LIFR: variants seen among roughly 807,000 people sequenced by gnomAD.
LIFR encodes the protein leukemia inhibitory factor receptor.
Under a neutral mutation model 122.2 loss-of-function variants are expected in LIFR, and 84 were observed. That is an observed-to-expected ratio of 0.69 (90% CI 0.58 to 0.82). The LOEUF is 0.82. LIFR is among the 40% of genes least tolerant of loss of function. The pLI is 0.00. For synonymous variants in LIFR, 422 were observed against 434.7 expected, an observed-to-expected ratio of 0.97 and a Z score of 0.36; for missense variants, 1,294 against 1,311.6, an observed-to-expected ratio of 0.99 and a Z score of 0.21.
chr5:38,567,545 T>TATTTATTTATTTA (rs1561215418), intron 1 of LIFR, among the ~76,000 whole-genome samples: 2 of 151,338 alleles, frequency 1.3e-5, no homozygotes, highest in Non-Finnish European at 2.9e-5. Context: ...TTTATTTATT[T>TATTTATTTATTTA]TGAAGACTGA....
intron 1 of LIFR, among the ~76,000 whole-genome samples, chr5:38,586,545 C>A (rs1459741846): frequency 6.6e-6 from 1 of 152,078 alleles, no homozygotes; most frequent in African/African-American, 2.4e-5. Flanking sequence ...TTATCTTTTG[C>A]AAATTTTGTT....
chr5:38,579,436 C>T (rs767032405), intron 1 of LIFR: 17 of 150,954 alleles, frequency 1.1e-4, no homozygotes, highest in Admixed American at 3.9e-4. Context: ...TAAAGTAGGT[C>T]AAATATTTTT....
chr5:38,512,464 A>AACAAAAT (rs1745852653), intron 5 of LIFR, among the ~76,000 whole-genome samples: 1 of 151,892 alleles, frequency 6.6e-6, no homozygotes, highest in African/African-American at 2.4e-5. Flanking sequence ...ACAAAAAAAT[A>AACAAAAT]AAAAAATAAA....
chr5:38,493,102 G>A (rs991766720), intron 14 of LIFR, among the ~76,000 whole-genome samples: 1 of 152,168 alleles, frequency 6.6e-6, no homozygotes, highest in Admixed American at 6.5e-5. Context: ...TCAGGGTTAA[G>A]TGGTAAGGGG....
intron 1 of LIFR, among the ~76,000 whole-genome samples, chr5:38,534,077 G>A (rs1256485853): frequency 6.6e-6 from 1 of 152,176 alleles, no homozygotes; most frequent in Non-Finnish European, 1.5e-5. Flanking sequence ...AGCAAAACAA[G>A]TGCAATCACA....
At chr5:38,531,072 T>C (rs1466626657) in intron 1 of LIFR, among the ~76,000 whole-genome samples, 2 of 152,246 alleles carry the variant, frequency 1.3e-5, no homozygotes, top group Non-Finnish European at 2.9e-5. Flanking sequence ...CGTTAACTTG[T>C]GTTTAGTCAT....
intron 1 of LIFR, among the ~76,000 whole-genome samples, chr5:38,533,586 G>GA (rs1747134330): frequency 6.6e-6 from 1 of 152,004 alleles, no homozygotes; most frequent in Non-Finnish European, 1.5e-5. Context: ...AAGAAAATTA[G>GA]AAAAAAAGAG....
intron 4 of LIFR, 128 bp downstream of exon 4, chr5:38,527,027 T>C (rs991261355): frequency 2.2e-5 from 18 of 810,398 alleles, no homozygotes; most frequent in Admixed American, 8.7e-5. Context: ...CTACAATTCA[T>C]AGGGAGGTTG....
At chr5:38,596,037 A>G (rs532969554), upstream of LIFR, among the ~76,000 whole-genome samples, 13 of 152,124 alleles carry the variant, frequency 8.5e-5, no homozygotes, top group Non-Finnish European at 1.3e-4. Flanking sequence ...CGCCCGGCCC[A>G]CAATAGGTAA....
In LIFR at chr5:38,505,966, C is replaced by T; in HGVS notation, c.1230G>A (p.Leu410=). 4 of 1,610,534 alleles carry T rather than the reference C, an allele frequency of 2.5e-6. No homozygotes were observed. Among genetic ancestry groups the T allele is most frequent in the Non-Finnish European group, 3.4e-6 (4 of 1,177,930 alleles). ...ATCGACCCAGCGGATTGTGAGCATTCAAAGTAAAATTATATATTTCTTGAT... is the reference window on the plus strand; with the variant it reads ...ATCGACCCAGCGGATTGTGAGCATTTAAAGTAAAATTATATATTTCTTGAT... ...LPNQEIYNFT[L]NAHNPLGRSQ... The change falls in exon 9 of 20, where the codon TTG becomes TTA. Residue 410 remains leucine, a synonymous_variant. Transcript: ENST00000453190.
chr5:38,602,198 A>G (rs1053022845), intron 2 of LIFR, among the ~76,000 whole-genome samples: 1 of 152,214 alleles, frequency 6.6e-6, no homozygotes, highest in African/African-American at 2.4e-5. Flanking sequence ...TAGGAAGCTG[A>G]TGATGTTACT....
At chr5:38,505,401 TACACACACACACACACACACAC>T (rs58882043) in intron 9 of LIFR, among the ~76,000 whole-genome samples, 2 of 139,470 alleles carry the variant, frequency 1.4e-5, no homozygotes, top group Non-Finnish European at 1.6e-5. Context: ...TGCATAGAAC[TACACACACACACACACACACAC>T]ACACACACAC....
intron 1 of LIFR, among the ~76,000 whole-genome samples, chr5:38,572,374 G>A (rs1004736490): frequency 2.0e-5 from 3 of 152,176 alleles, no homozygotes; most frequent in Non-Finnish European, 4.4e-5. Flanking sequence ...TCACTGTCAT[G>A]AGAACAGCAC....
chr5:38,474,796 C>T lies in LIFR; in HGVS notation c.*6799G>A, dbSNP rs1335294359. Among the ~76,000 whole-genome samples, 1 of 152,116 alleles carries T rather than the reference C, an allele frequency of 6.6e-6. No individual in the cohort carries two copies. Among genetic ancestry groups the T allele is most frequent in the East Asian group, 1.9e-4 (1 of 5,188 alleles). ...ACAGATGGATGTTACACCAATGGCA[C>T]AGCAATGTACTCAAATGTTAAAAAT... On this transcript the variant is annotated 3_prime_UTR_variant, in exon 20 of 20. Transcript: ENST00000453190.
chr5:38,560,752 C>A (rs191054018), upstream of LIFR, among the ~76,000 whole-genome samples: 1 of 151,932 alleles, frequency 6.6e-6, no homozygotes, highest in African/African-American at 2.4e-5. Flanking sequence ...TCCGCCACCA[C>A]GTCTGGCTAA....
At chr5:38,496,849 C>T (rs568402856) in intron 12 of LIFR, among the ~76,000 whole-genome samples, 3 of 152,066 alleles carry the variant, frequency 2.0e-5, no homozygotes, top group Non-Finnish European at 2.9e-5. Context: ...TGGTGGTGAG[C>T]GCCTGTAATC....
At chr5:38,517,601 T>A (rs1402798238) in intron 5 of LIFR, among the ~76,000 whole-genome samples, 1 of 152,132 alleles carries the variant, frequency 6.6e-6, no homozygotes, top group East Asian at 1.9e-4. Flanking sequence ...CTCATGCCTG[T>A]AATCCCAGCA....
chr5:38,565,334 A>G (rs1454000102), intron 1 of LIFR, among the ~76,000 whole-genome samples: 1 of 152,150 alleles, frequency 6.6e-6, no homozygotes, highest in African/African-American at 2.4e-5. Flanking sequence ...TATCATGAAA[A>G]AGAATATTAA....
intron 1 of LIFR, among the ~76,000 whole-genome samples, chr5:38,548,171 G>A (rs1364146765): frequency 1.3e-5 from 2 of 151,458 alleles, no homozygotes; most frequent in Non-Finnish European, 2.9e-5. Flanking sequence ...TCTCAAAAAG[G>A]CATGAGGTCA....
Sources: allele counts gnomAD v4.1 joint callset (sites outside exome capture counted in the v4.1 genomes callset), GRCh38; gene constraint gnomAD v4.1.1; transcripts MANE v1.5; gene names NCBI Gene and HGNC (gene_info 2026-07-23, HGNC 2026-07-21).